Variants in KSR2 observed in about 807,000 individuals in gnomAD.
KSR2 encodes kinase suppressor of ras 2.
A neutral mutation model predicts 107.8 loss-of-function variants in KSR2; 25 were observed. The observed-to-expected ratio is 0.23, with a 90% confidence interval of 0.17 to 0.32. The LOEUF is 0.32. Among genes scored for constraint, KSR2 ranks in the 10% least tolerant of loss-of-function variants. KSR2 has a pLI of 1.00. For missense variants in KSR2, 887 were observed against 1,268.9 expected, an observed-to-expected ratio of 0.70 and a Z score of 4.57; for synonymous variants, 480 against 507.0, an observed-to-expected ratio of 0.95 and a Z score of 0.71.
At chr12:117,661,321 T>A (rs1441429507) in intron 5 of KSR2, among the ~76,000 whole-genome samples, 5 of 151,964 alleles carry the variant, frequency 3.3e-5, no homozygotes, top group Non-Finnish European at 1.5e-5. Context: ...GAAATTGGAA[T>A]CTGGTGAGAT....
intron 3 of KSR2, among the ~76,000 whole-genome samples, chr12:117,829,879 T>A (rs1891895447): frequency 6.6e-6 from 1 of 152,254 alleles, no homozygotes; most frequent in African/African-American, 2.4e-5. Flanking sequence ...GACAGGCTCA[T>A]GCTTAGCAAG....
intron 5 of KSR2, among the ~76,000 whole-genome samples, chr12:117,598,553 A>G (rs1176857161): frequency 1.3e-5 from 2 of 152,134 alleles, no homozygotes. Context: ...TGTTTTCCCT[A>G]GTGGTTGTAC....
chr12:117,645,886 T>C (rs201917978), intron 5 of KSR2, among the ~76,000 whole-genome samples: 5,900 of 150,516 alleles, frequency 0.039, 210 homozygotes, highest in South Asian at 0.14. Flanking sequence ...TGTGTGTGTG[T>C]GTGTGTGTGT....
chr12:117,563,718 T>G (rs1878273476), intron 7 of KSR2, among the ~76,000 whole-genome samples: 1 of 152,136 alleles, frequency 6.6e-6, no homozygotes, highest in Admixed American at 6.5e-5. Flanking sequence ...ATGGGCTGGC[T>G]AGAACACTTG....
chr12:117,588,082 C>T (rs186749814), intron 5 of KSR2, among the ~76,000 whole-genome samples: 124 of 152,236 alleles, frequency 8.1e-4, no homozygotes, highest in African/African-American at 2.7e-3. Context: ...ACCCACAGCC[C>T]CTCATAAAAA....
chr12:117,674,780 T>A (rs1164191127), intron 4 of KSR2, among the ~76,000 whole-genome samples: 1 of 152,178 alleles, frequency 6.6e-6, no homozygotes, highest in Non-Finnish European at 1.5e-5. Flanking sequence ...AAAGTATACA[T>A]TGTATCATGT....
At chr12:117,613,493 T>C (rs1225660616) in intron 5 of KSR2, among the ~76,000 whole-genome samples, 1 of 152,140 alleles carries the variant, frequency 6.6e-6, no homozygotes, top group Non-Finnish European at 1.5e-5. Context: ...CTAGAGTCTC[T>C]GGCCCCTCCT....
chr12:117,472,470 C>T (rs1871522568), intron 17 of KSR2, among the ~76,000 whole-genome samples: 1 of 152,158 alleles, frequency 6.6e-6, no homozygotes, highest in African/African-American at 2.4e-5. Flanking sequence ...CAAGATTCCC[C>T]AACTTAGGAA....
intron 1 of KSR2, among the ~76,000 whole-genome samples, chr12:117,922,525 T>C: frequency 6.6e-6 from 1 of 152,194 alleles, no homozygotes; most frequent in Non-Finnish European, 1.5e-5. Flanking sequence ...CAGGTTGCAT[T>C]CATGTTAAAT....
At chr12:117,584,849 G>C (rs1181865747) in intron 5 of KSR2, among the ~76,000 whole-genome samples, 1 of 152,176 alleles carries the variant, frequency 6.6e-6, no homozygotes, top group Non-Finnish European at 1.5e-5. Flanking sequence ...GTTGTGCAAA[G>C]GAAAACAAAA....
intron 4 of KSR2, among the ~76,000 whole-genome samples, chr12:117,669,801 G>C (rs1324564424): frequency 6.6e-6 from 1 of 152,082 alleles, no homozygotes; most frequent in Non-Finnish European, 1.5e-5. Context: ...CCAGGAGTTT[G>C]AGGCTGTAGT....
At chr12:117,956,909 T>C (rs558890473) in intron 1 of KSR2, among the ~76,000 whole-genome samples, 1 of 152,334 alleles carries the variant, frequency 6.6e-6, no homozygotes, top group East Asian at 1.9e-4. Context: ...ATAGCTCAGG[T>C]CTAAAATATC....
intron 1 of KSR2, among the ~76,000 whole-genome samples, chr12:117,895,989 G>A (rs1369350405): frequency 2.0e-5 from 3 of 152,138 alleles, no homozygotes; most frequent in Non-Finnish European, 2.9e-5. Context: ...AACCCAGAGG[G>A]CAGAGGTTGC....
intron 4 of KSR2, among the ~76,000 whole-genome samples, chr12:117,677,785 C>T (rs933452367): frequency 6.6e-6 from 1 of 152,156 alleles, no homozygotes; most frequent in Non-Finnish European, 1.5e-5. Flanking sequence ...ATGTTGCTTA[C>T]CAATGTTGTC....
chr12:117,624,027 T>G (rs1882334305), intron 5 of KSR2, among the ~76,000 whole-genome samples: 1 of 152,250 alleles, frequency 6.6e-6, no homozygotes, highest in South Asian at 2.1e-4. Context: ...ATAGATGTCT[T>G]CTTTTGAGAA....
intron 7 of KSR2, among the ~76,000 whole-genome samples, chr12:117,567,518 C>T (rs577645693): frequency 1.3e-5 from 2 of 152,186 alleles, no homozygotes; most frequent in East Asian, 3.9e-4. Context: ...GGAATGCTGG[C>T]TAAGCATTTT....
chr12:117,728,665 C>T (rs1887543311), intron 4 of KSR2, among the ~76,000 whole-genome samples: 3 of 152,212 alleles, frequency 2.0e-5, no homozygotes, highest in Non-Finnish European at 1.5e-5. Flanking sequence ...GCATGGATAA[C>T]GGCCGTGCCG....
intron 3 of KSR2, among the ~76,000 whole-genome samples, chr12:117,832,056 G>A (rs966078488): frequency 4.6e-5 from 7 of 152,240 alleles, no homozygotes; most frequent in South Asian, 2.1e-4. Context: ...AGGCCGAGGC[G>A]GGCAGATTAC....
In KSR2 at chr12:117,685,312, C is replaced by T. The variant is rs567236535; in HGVS notation, c.987-17654G>A. Among the ~76,000 whole-genome samples, 17 of 152,342 alleles carry T rather than the reference C, an allele frequency of 1.1e-4. No individual in the cohort carries two copies. In the South Asian group the frequency reaches 1.9e-3, roughly 17 times the overall value. On this transcript the variant is annotated intron_variant, in intron 4 of 19. Transcript: ENST00000339824. ...TTACAGACCAAATATTTACACAGGC[C>T]ATCATTTCCGACTGAACCAGAGCTC...
Sources: allele counts gnomAD v4.1 joint callset (sites outside exome capture counted in the v4.1 genomes callset), GRCh38; gene constraint gnomAD v4.1.1; transcripts MANE v1.5; gene names NCBI Gene and HGNC (gene_info 2026-07-23, HGNC 2026-07-21).